Variants in PODXL observed in about 807,000 individuals in gnomAD.
The protein encoded by PODXL is podocalyxin like, also known as podocalyxin.
PODXL carries 20 observed loss-of-function variants against 48.9 expected under a neutral mutation model. The ratio of observed to expected loss-of-function variants is 0.41; its 90% CI spans 0.29 to 0.59. The LOEUF is 0.59. PODXL is among the 20% of genes least tolerant of loss of function. The pLI is 0.31. For missense variants in PODXL, 606 were observed against 675.1 expected, an observed-to-expected ratio of 0.90 and a Z score of 1.13; for synonymous variants, 295 against 287.4, an observed-to-expected ratio of 1.03 and a Z score of -0.27.
chr7:131,527,572 G>A (rs2116827434), intron 1 of PODXL, among the ~76,000 whole-genome samples: 1 of 152,326 alleles, frequency 6.6e-6, no homozygotes, highest in South Asian at 2.1e-4. Flanking sequence ...ACCACCATGT[G>A]CAGTTTCAGT....
At position 131,506,304 on chromosome 7, in the gene PODXL, C is replaced by T. The variant is rs1201670472; in HGVS notation, c.1267G>A (p.Asp423Asn). Residue 423 changes from aspartate to asparagine, a missense_variant, in exon 7 of 9, where the codon GAT becomes AAT. Asp to Asn is a conservative substitution (Grantham distance 23). Coordinates refer to ENST00000378555, the MANE Select transcript of PODXL (RefSeq NM_001018111.3). The stretch of plus-strand genomic sequence containing the variant: ...TTGTCCTTCAGCCGCTCGTACACAT[C>T]CTTGGCAGGGAGCTTAGCTGTGGGA... Reference protein sequence around the residue: ...ITIHTKLPAKDVYERLKDKWD... With the variant: ...ITIHTKLPAKNVYERLKDKWD... 5 of 1,614,226 alleles carry T rather than the reference C, an allele frequency of 3.1e-6. No homozygotes were observed. Among genetic ancestry groups the T allele is most frequent in the Non-Finnish European group, 3.4e-6 (4 of 1,180,034 alleles).
intron 1 of PODXL, among the ~76,000 whole-genome samples, chr7:131,522,015 G>T (rs1447921789): frequency 6.6e-6 from 1 of 152,210 alleles, no homozygotes; most frequent in South Asian, 2.1e-4. Flanking sequence ...AACCCAGCCC[G>T]AACATCTAGG....
rs1346952362 is a variant in PODXL at position 131,502,793 on chromosome 7, A to T, written c.*1518T>A. ...ACTGCTTAGGAGCCTTCTACATGGC[A>T]GCTAACTGCCGAGCCCATAAAAGTC... On this transcript the variant is annotated 3_prime_UTR_variant, in exon 9 of 9. Coordinates refer to ENST00000378555, the MANE Select transcript of PODXL (RefSeq NM_001018111.3). 1 of 152,668 alleles carries T rather than the reference A, an allele frequency of 6.6e-6. No homozygotes were observed. Among genetic ancestry groups the T allele is most frequent in the Non-Finnish European group, 1.5e-5 (1 of 68,068 alleles). 9.5% of individuals were successfully genotyped at this position (152,668 alleles called of 1,614,324 possible). A position where few individuals can be genotyped will look rare whatever the true frequency, so the allele number is the denominator to read the frequency against.
chr7:131,510,972 T>C lies in PODXL; in HGVS notation c.562A>G (p.Ser188Gly). 1.9e-6 allele frequency: 3 copies of C among 1,614,158 alleles called. No individual in the cohort carries two copies. Among genetic ancestry groups the C allele is most frequent in the Non-Finnish European group, 2.5e-6 (3 of 1,180,010 alleles). Residue 188 changes from serine to glycine, a missense_variant, in exon 2 of 9, where the codon AGC becomes GGC. By Grantham distance (56) the Ser-to-Gly change is moderately conservative (BLOSUM62 0). Coordinates refer to ENST00000378555, the MANE Select transcript of PODXL (RefSeq NM_001018111.3). ...LTTPHPTSPL[S>G]PRQPTSTHPV... Reference sequence around the variant, plus strand: ...TGCGTCGAAGTGGGTTGTCGGGGGCTAAGTGGACTTGTAGGGTGAGGGGTC... The same window carrying C: ...TGCGTCGAAGTGGGTTGTCGGGGGCCAAGTGGACTTGTAGGGTGAGGGGTC...
intron 6 of PODXL, 123 bp from the exon 7 acceptor site, chr7:131,506,444 G>C: frequency 7.0e-7 from 1 of 1,425,490 alleles, no homozygotes; most frequent in South Asian, 1.2e-5. Flanking sequence ...CGGGTGACCT[G>C]GGAGGGGGTG....
At chr7:131,506,775 C>G in intron 5 of PODXL, 49 bp from the exon 6 acceptor site, 3 of 1,577,462 alleles carry the variant, frequency 1.9e-6, no homozygotes, top group Non-Finnish European at 1.7e-6. Context: ...TGACAGCAGC[C>G]TAGGCCTGTG....
chr7:131,530,647 G>C (rs1479573279), intron 1 of PODXL, among the ~76,000 whole-genome samples: 1 of 151,848 alleles, frequency 6.6e-6, no homozygotes, highest in African/African-American at 2.4e-5. Flanking sequence ...CTCACGATGA[G>C]GTAGGAGGAT....
chr7:131,510,128 G>A, intron 3 of PODXL, 108 bp downstream of exon 3: 1 of 404,288 alleles, frequency 2.5e-6, no homozygotes, highest in Admixed American at 2.9e-5. Flanking sequence ...TAAGGCTCTT[G>A]ATCCATAGGT....
chr7:131,529,674 G>T (rs1798243163), intron 1 of PODXL, among the ~76,000 whole-genome samples: 1 of 152,036 alleles, frequency 6.6e-6, no homozygotes, highest in African/African-American at 2.4e-5. Flanking sequence ...TCCTCGATTG[G>T]TGTGCCAAAG....
At chr7:131,549,373 T>C (rs972076068) in intron 1 of PODXL, among the ~76,000 whole-genome samples, 1 of 152,170 alleles carries the variant, frequency 6.6e-6, no homozygotes, top group African/African-American at 2.4e-5. Flanking sequence ...CTACCCCAGC[T>C]GGAGGGCTCT....
rs1011447029 is a variant in PODXL, at chr7:131,510,239, T to TAATC, written c.795_798dup (p.Thr267AspfsTer73). 4.8e-5 allele frequency: 21 copies of TAATC among 441,822 alleles called. No homozygotes were observed. The highest frequency in any genetic ancestry group is 3.7e-4 in the African/African-American group (18 of 48,108). 27.4% of individuals were successfully genotyped at this position (441,822 alleles called of 1,614,324 possible). ...GGCCGGGCATGGTGGCTCATACCTG[T>TAATC]AATCCCAGCACTTTGGGAGGCCAAG... On this transcript the variant is annotated frameshift_variant, in exon 3 of 9. Coordinates refer to ENST00000378555, the MANE Select transcript of PODXL (RefSeq NM_001018111.3). LOFTEE classifies it high-confidence loss of function.
chr7:131,508,290 T>C (rs976489142), intron 5 of PODXL, among the ~76,000 whole-genome samples: 2 of 152,082 alleles, frequency 1.3e-5, no homozygotes, highest in African/African-American at 4.8e-5. Context: ...ACCCATCCCA[T>C]CAGCTCCTCA....
At chr7:131,529,241 A>G (rs890879299) in intron 1 of PODXL, among the ~76,000 whole-genome samples, 1 of 152,254 alleles carries the variant, frequency 6.6e-6, no homozygotes, top group East Asian at 1.9e-4. Context: ...ACATCACAGC[A>G]GGGTAGAAAT....
rs1190091611 is a variant in PODXL at position 131,511,413 on chromosome 7, A to T, written c.121T>A (p.Ser41Thr). The change falls in exon 2 of 9, where the codon TCA becomes ACA. Residue 41 changes from serine (S) to threonine (T), a missense_variant. Ser to Thr is a moderately conservative substitution (Grantham distance 58). Transcript: ENST00000378555. ...SQNATQTTTD[S>T]SNKTAPTPAS... Reference sequence around the variant, plus strand: ...GGAGTCGGTGCTGTTTTGTTAGATGAGTCCGTAGTAGTCTGGGTTGCTGTT... The same window carrying T: ...GGAGTCGGTGCTGTTTTGTTAGATGTGTCCGTAGTAGTCTGGGTTGCTGTT... 6.2e-7 allele frequency: 1 copy of T among 1,600,894 alleles called. No homozygotes were observed. The highest frequency in any genetic ancestry group is 8.5e-7 in the Non-Finnish European group (1 of 1,179,832).
intron 1 of PODXL, 89 bp from the exon 2 acceptor site, chr7:131,511,522 T>C: frequency 7.3e-7 from 1 of 1,372,250 alleles, no homozygotes; most frequent in South Asian, 1.3e-5. Context: ...TCAGAGGCCT[T>C]GCTCGCAGCC....
At chr7:131,533,153 G>A (rs577713240) in intron 1 of PODXL, among the ~76,000 whole-genome samples, 1 of 152,162 alleles carries the variant, frequency 6.6e-6, no homozygotes, top group African/African-American at 2.4e-5. Flanking sequence ...CCCCACACAG[G>A]CTGAGTGTCA....
At chr7:131,513,111 T>C (rs764891049) in intron 1 of PODXL, among the ~76,000 whole-genome samples, 7 of 152,084 alleles carry the variant, frequency 4.6e-5, no homozygotes, top group Non-Finnish European at 1.0e-4. Flanking sequence ...AAGAAGCCAC[T>C]GAAGGCATTA....
chr7:131,531,714 C>T (rs558459366), intron 1 of PODXL, among the ~76,000 whole-genome samples: 2 of 152,178 alleles, frequency 1.3e-5, no homozygotes, highest in Non-Finnish European at 2.9e-5. Context: ...CTTATGAGGA[C>T]ACTTGTCATT....
intron 1 of PODXL, among the ~76,000 whole-genome samples, chr7:131,525,773 C>G (rs895010887): frequency 6.6e-6 from 1 of 152,060 alleles, no homozygotes; most frequent in Non-Finnish European, 1.5e-5. Flanking sequence ...TTCAAACCTA[C>G]TTGACATGTA....
Sources: allele counts gnomAD v4.1 joint callset (sites outside exome capture counted in the v4.1 genomes callset), GRCh38; gene constraint gnomAD v4.1.1; transcripts MANE v1.5; gene names NCBI Gene and HGNC (gene_info 2026-07-23, HGNC 2026-07-21).